Variants in YWHAZ observed in about 807,000 individuals in gnomAD.
The protein encoded by YWHAZ is 14-3-3 protein zeta/delta.
For synonymous variants in YWHAZ, 87 were observed against 103.6 expected, an observed-to-expected ratio of 0.84 and a Z score of 0.97; for missense variants, 79 against 284.8, an observed-to-expected ratio of 0.28 and a Z score of 5.20.
intron 2 of YWHAZ, among the ~76,000 whole-genome samples, chr8:100,944,320 G>A (rs182260152): frequency 6.6e-6 from 1 of 152,254 alleles, no homozygotes; most frequent in African/African-American, 2.4e-5. Context: ...CTGTTTAATG[G>A]TAGTTCTGTG....
chr8:100,920,026 A>T lies in YWHAZ; in HGVS notation c.*667T>A, dbSNP rs1812909182. ...TACATTTGTTCTTAGGTTGCCTAAAACATTTAAATACAAATAAAATGAGTG... is the reference window on the plus strand; with the variant it reads ...TACATTTGTTCTTAGGTTGCCTAAATCATTTAAATACAAATAAAATGAGTG... On this transcript the variant is annotated 3_prime_UTR_variant, in exon 6 of 6. Transcript: ENST00000395958. 1 of 152,674 alleles carries T rather than the reference A, an allele frequency of 6.5e-6. No individual in the cohort carries two copies. Among genetic ancestry groups the T allele is most frequent in the Admixed American group, 6.5e-5 (1 of 15,288 alleles). The allele number at this position is 152,674 out of a possible 1,614,324, so 9.5% of individuals were successfully genotyped here.
At chr8:100,949,962 T>C (rs528714384) in intron 1 of YWHAZ, among the ~76,000 whole-genome samples, 1 of 152,324 alleles carries the variant, frequency 6.6e-6, no homozygotes, top group South Asian at 2.1e-4. Context: ...ATACACACCC[T>C]GAATGAAGTG....
At chr8:100,930,807 C>T (rs570205645) in intron 2 of YWHAZ, among the ~76,000 whole-genome samples, 23 of 152,046 alleles carry the variant, frequency 1.5e-4, no homozygotes, top group Non-Finnish European at 2.6e-4. Flanking sequence ...ATATCATGGC[C>T]AACATTTTAG....
upstream of YWHAZ, chr8:100,952,769 C>T: frequency 1.0e-6 from 1 of 997,212 alleles, no homozygotes; most frequent in Non-Finnish European, 1.2e-6. Flanking sequence ...CCCCCCGCCC[C>T]GCCCGCCGCT....
Position 100,920,744 on chromosome 8 carries a change from T to C in YWHAZ, c.687A>G (p.Thr229=), listed in dbSNP as rs776011056. ...CAGCTTCGTCTCCTTGGGTATCCGA[T>C]GTCCACAACTGGTAAAAGAAGGAAA... The part of the protein sequence containing the change: ...QLLRDNLTLW[T]SDTQGDEAEA... Residue 229 remains threonine, a synonymous_variant, in exon 6 of 6, where the codon ACA becomes ACG. Coordinates refer to ENST00000395958, the MANE Select transcript of YWHAZ (RefSeq NM_145690.3). The C allele has an allele frequency of 6.6e-6, 9 of 1,370,992 alleles. No homozygotes were observed. Among genetic ancestry groups the C allele is most frequent in the East Asian group, 4.1e-5 (1 of 24,230 alleles). 84.9% of individuals were successfully genotyped at this position (1,370,992 alleles called of 1,614,324 possible).
intron 2 of YWHAZ, among the ~76,000 whole-genome samples, chr8:100,931,062 A>G (rs1025626395): frequency 6.9e-6 from 1 of 145,482 alleles, no homozygotes; most frequent in South Asian, 2.5e-4. Context: ...GATTTTAGAG[A>G]TAAAAGAGAT....
chr8:100,951,346 CCGGGGTGGGGGAGGG>C, intron 1 of YWHAZ: 1 of 984,558 alleles, frequency 1.0e-6, no homozygotes, highest in South Asian at 4.7e-5. Flanking sequence ...CCACCGCCTC[CCGGGGTGGGGGAGGG>C]CCGGGTCCCG....
At chr8:100,949,480 T>C (rs567906325) in intron 1 of YWHAZ, among the ~76,000 whole-genome samples, 61 of 152,266 alleles carry the variant, frequency 4.0e-4, no homozygotes, top group African/African-American at 1.3e-3. Flanking sequence ...AATAATAGCA[T>C]AACAATTTGG....
At chr8:100,950,376 C>T (rs1272803835) in intron 1 of YWHAZ, 57 of 985,380 alleles carry the variant, frequency 5.8e-5, no homozygotes, top group Non-Finnish European at 6.4e-5. Flanking sequence ...ACACTGCGGG[C>T]AGGACTCACC....
chr8:100,932,795 C>T (rs1202701460), intron 2 of YWHAZ, among the ~76,000 whole-genome samples: 1 of 152,014 alleles, frequency 6.6e-6, no homozygotes, highest in Admixed American at 6.6e-5. Context: ...CACTGGACTT[C>T]CCATTTTGCC....
intron 2 of YWHAZ, among the ~76,000 whole-genome samples, chr8:100,937,915 G>C (rs1470762375): frequency 6.6e-6 from 1 of 152,186 alleles, no homozygotes; most frequent in Non-Finnish European, 1.5e-5. Context: ...AGGATGACCT[G>C]AGGTCAGGAG....
intron 2 of YWHAZ, among the ~76,000 whole-genome samples, chr8:100,936,967 A>T (rs1311493845): frequency 6.6e-6 from 1 of 152,246 alleles, no homozygotes; most frequent in Non-Finnish European, 1.5e-5. Context: ...ACATGTAAGC[A>T]AAATGCAAAG....
chr8:100,946,897 A>AAC lies in YWHAZ; in HGVS notation c.294+1698_294+1699insGT, dbSNP rs1554617420. On this transcript the variant is annotated intron_variant, in intron 2 of 5. Transcript: ENST00000395958. The stretch of plus-strand genomic sequence containing the variant: ...TTAGTAAGGTGAGCAAAAAAAAAAA[A>AAC]CAAAAAAAACAAAAAAACCCAATAC... Among the ~76,000 whole-genome samples, 74 of 151,152 alleles carry AAC rather than the reference A, an allele frequency of 4.9e-4. 1 individual carries two copies. The East Asian group carries it at 0.014, about 28-fold the overall frequency.
At chr8:100,951,259 C>G in intron 1 of YWHAZ, 1 of 984,864 alleles carries the variant, frequency 1.0e-6, no homozygotes, top group Non-Finnish European at 1.2e-6. Context: ...CGCGCCAGGC[C>G]TGGGCTCCGG....
Position 100,948,434 on chromosome 8 carries a change from T to C in YWHAZ, c.294+162A>G, listed in dbSNP as rs1810467117. ...TTATTTTACATACACGTATCTATAA[T>C]TGTCTTAACATCTTTTTAGTCATGA... On this transcript the variant is annotated intron_variant, in intron 2 of 5. Transcript: ENST00000395958. This position sits in a 1 kb window ranked among gnomAD's most constrained non-coding sequence, Gnocchi z 4.2. Among the ~76,000 whole-genome samples, 1 of 152,232 alleles carries C rather than the reference T, an allele frequency of 6.6e-6. No homozygotes were observed. Among genetic ancestry groups the C allele is most frequent in the Non-Finnish European group, 1.5e-5 (1 of 68,034 alleles).
rs922601295 is a variant in YWHAZ at position 100,937,560 on chromosome 8, T to C, written c.294+11036A>G. Among the ~76,000 whole-genome samples the C allele has an allele frequency of 2.6e-5, 4 of 152,184 alleles. No individual in the cohort carries two copies. In the East Asian group the frequency reaches 7.7e-4, roughly 29 times the overall value. ...CTATTGAGACATTTATGAATTGAAA[T>C]TTGCGAATACAGCTGGGCTAACTTT... On this transcript the variant is annotated intron_variant, in intron 2 of 5. Coordinates refer to ENST00000395958, the MANE Select transcript of YWHAZ (RefSeq NM_145690.3).
At chr8:100,935,895 T>A (rs1814114417) in intron 2 of YWHAZ, among the ~76,000 whole-genome samples, 1 of 152,238 alleles carries the variant, frequency 6.6e-6, no homozygotes, top group South Asian at 2.1e-4. Flanking sequence ...TCCTCTAACA[T>A]AATGAATTTC....
rs1179975847 is a variant in YWHAZ at position 100,922,323 on chromosome 8, AAT to A, written c.679-1573_679-1572del. 6.6e-6 allele frequency: 1 copy of A among 152,194 alleles called. No individual in the cohort carries two copies. The highest frequency in any genetic ancestry group is 6.5e-5 in the Admixed American group (1 of 15,284). 9.4% of individuals were successfully genotyped at this position (152,194 alleles called of 1,614,324 possible). A position where few individuals can be genotyped will look rare whatever the true frequency, so the allele number is the denominator to read the frequency against. ...ACCTATAATGGTGACAGCTGACACT[AAT>A]AAGGCTCAGAGAAGACATACAAGTA... On this transcript the variant is annotated intron_variant, in intron 5 of 5. Coordinates refer to ENST00000395958, the MANE Select transcript of YWHAZ (RefSeq NM_145690.3). The surrounding 1 kb of genome is among the most constrained non-coding windows in gnomAD (Gnocchi z 4.1).
intron 2 of YWHAZ, among the ~76,000 whole-genome samples, chr8:100,931,096 A>ATAAT (rs1030030501): frequency 2.0e-5 from 3 of 152,234 alleles, no homozygotes; most frequent in Non-Finnish European, 4.4e-5. Context: ...GCACCGTAGT[A>ATAAT]TAATTAACCT....
Sources: allele counts gnomAD v4.1 joint callset (sites outside exome capture counted in the v4.1 genomes callset), GRCh38; gene constraint gnomAD v4.1.1; non-coding constraint Gnocchi (gnomAD v3.1); transcripts MANE v1.5; gene names NCBI Gene and HGNC (gene_info 2026-07-23, HGNC 2026-07-21).